Variants in RALYL observed in about 807,000 individuals in gnomAD.
The protein encoded by RALYL is RALY RNA binding protein like.
RALYL carries 29 observed loss-of-function variants against 35.1 expected under a neutral mutation model. The observed-to-expected ratio is 0.83, with a 90% confidence interval of 0.61 to 1.13. RALYL has a LOEUF of 1.13. RALYL is among the 50% of genes most tolerant of loss of function. The probability of loss-of-function intolerance (pLI) is 0.00; values close to 1 mark genes in which losing one functional copy is unlikely to be tolerated. For synonymous variants in RALYL, 120 were observed against 127.6 expected, an observed-to-expected ratio of 0.94 and a Z score of 0.40; for missense variants, 359 against 360.4, an observed-to-expected ratio of 1.00 and a Z score of 0.03.
In RALYL at chr8:84,873,276, C is replaced by T; in HGVS notation, c.572-8C>T. 1 of 1,493,892 alleles carries T rather than the reference C, an allele frequency of 6.7e-7. No individual in the cohort carries two copies. The highest frequency in any genetic ancestry group is 9.2e-7 in the Non-Finnish European group (1 of 1,086,658). The allele number at this position is 1,493,892 out of a possible 1,614,324, so 92.5% of individuals were successfully genotyped here. ...TCTGTTGTTTTCTTCCTTCTTTCTA[C>T]TTTCCAGTGAAATCAGATGAGTTAC... On this transcript the variant is annotated splice_polypyrimidine_tract_variant and splice_region_variant and intron_variant, in intron 6 of 8. Transcript: ENST00000521268.
rs148878088 is a variant in RALYL at position 84,753,522 on chromosome 8, C to T, written c.257-21057C>T. Among the ~76,000 whole-genome samples the T allele has an allele frequency of 2.3e-3, 343 of 152,202 alleles. 3 individuals carry two copies. Among genetic ancestry groups the T allele is most frequent in the African/African-American group, 7.5e-3 (311 of 41,530 alleles). On this transcript the variant is annotated intron_variant, in intron 2 of 8. Coordinates refer to ENST00000521268, the MANE Select transcript of RALYL (RefSeq NM_173848.7). ...TTGTGTCCCTGCCCAAATCTCATGT[C>T]GAAATGTAATTCCCAGTGTTAGAGA...
chr8:84,695,021 T>C (rs1210553773), intron 2 of RALYL, among the ~76,000 whole-genome samples: 1 of 151,794 alleles, frequency 6.6e-6, no homozygotes, highest in East Asian at 1.9e-4. Context: ...TATGAAAATA[T>C]GAAGTATAAT....
chr8:84,560,086 G>T (rs1455864687), intron 2 of RALYL, among the ~76,000 whole-genome samples: 1 of 151,554 alleles, frequency 6.6e-6, no homozygotes, highest in Non-Finnish European at 1.5e-5. Flanking sequence ...GAAGACTGGA[G>T]AATCAGACCT....
At chr8:84,615,570 CTTTTTTTTTTT>C (rs60428128) in intron 2 of RALYL, among the ~76,000 whole-genome samples, 21,364 of 67,702 alleles carry the variant, frequency 0.32, 1,886 homozygotes, top group Non-Finnish European at 0.34. Flanking sequence ...GAACTTTCGT[CTTTTTTTTTTT>C]TTTTTTTTTT....
intron 2 of RALYL, among the ~76,000 whole-genome samples, chr8:84,546,563 A>G (rs866895600): frequency 1.3e-5 from 2 of 152,362 alleles, no homozygotes; most frequent in Middle Eastern, 6.8e-3. Context: ...ATTTCTTAAT[A>G]ATAAATGCCA....
chr8:84,346,681 C>T (rs1417828384), intron 1 of RALYL, among the ~76,000 whole-genome samples: 1 of 152,034 alleles, frequency 6.6e-6, no homozygotes, highest in Non-Finnish European at 1.5e-5. Context: ...GTTGGCCAGG[C>T]TGGTCTCAAA....
At chr8:84,646,957 T>TA (rs1303131537) in intron 2 of RALYL, among the ~76,000 whole-genome samples, 1 of 152,108 alleles carries the variant, frequency 6.6e-6, no homozygotes, top group African/African-American at 2.4e-5. Flanking sequence ...TACTCTTTTT[T>TA]AGTTCTTAAG....
rs1424234063 is a variant in RALYL, at chr8:84,380,167, T to C, written c.-23-149132T>C. The stretch of plus-strand genomic sequence containing the variant: ...GGAATTCTGACTTTCCTTCATTTGA[T>C]GTGATGCAGATTATTTAATTCCTCC... On this transcript the variant is annotated intron_variant, in intron 1 of 8. Coordinates refer to ENST00000521268, the MANE Select transcript of RALYL (RefSeq NM_173848.7). Among the ~76,000 whole-genome samples the C allele has an allele frequency of 2.6e-5, 4 of 151,826 alleles. No individual in the cohort carries two copies. The East Asian group carries it at 7.8e-4, about 30-fold the overall frequency.
At chr8:84,768,454 C>G (rs1814635255) in intron 2 of RALYL, among the ~76,000 whole-genome samples, 1 of 152,278 alleles carries the variant, frequency 6.6e-6, no homozygotes, top group East Asian at 1.9e-4. Context: ...CTTTCTGCCC[C>G]TTTCACCCTT....
At chr8:84,266,281 G>A (rs1218891025) in intron 1 of RALYL, among the ~76,000 whole-genome samples, 3 of 151,570 alleles carry the variant, frequency 2.0e-5, no homozygotes, top group Admixed American at 6.6e-5. Flanking sequence ...CATACTTTGC[G>A]AATTCAAACC....
intron 7 of RALYL, among the ~76,000 whole-genome samples, chr8:84,880,546 G>A (rs1216988039): frequency 6.6e-6 from 1 of 151,620 alleles, no homozygotes; most frequent in African/African-American, 2.4e-5. Context: ...TCTTACCTTG[G>A]GTATATTTTT....
intron 2 of RALYL, among the ~76,000 whole-genome samples, chr8:84,553,689 T>C (rs2060904564): frequency 2.0e-5 from 3 of 152,008 alleles, no homozygotes; most frequent in Non-Finnish European, 4.4e-5. Flanking sequence ...ACCTCTAAAG[T>C]AACATTTTCT....
intron 2 of RALYL, among the ~76,000 whole-genome samples, chr8:84,595,870 G>A (rs865848601): frequency 2.2e-4 from 32 of 148,658 alleles, no homozygotes; most frequent in African/African-American, 6.2e-4. Flanking sequence ...AAAACCACAC[G>A]CTCATGGGAA....
At chr8:84,784,988 C>T (rs1032731994) in intron 3 of RALYL, among the ~76,000 whole-genome samples, 2 of 152,064 alleles carry the variant, frequency 1.3e-5, no homozygotes, top group Non-Finnish European at 2.9e-5. Context: ...TCTTCCAACT[C>T]TGAGAGTTGA....
chr8:84,555,244 A>C (rs28578082), intron 2 of RALYL, among the ~76,000 whole-genome samples: 1 of 152,064 alleles, frequency 6.6e-6, no homozygotes, highest in Non-Finnish European at 1.5e-5. Context: ...ATGCCACTGC[A>C]CTCCAACGTG....
chr8:84,380,038 G>A (rs1857655064), intron 1 of RALYL, among the ~76,000 whole-genome samples: 1 of 150,542 alleles, frequency 6.6e-6, no homozygotes, highest in Non-Finnish European at 1.5e-5. Flanking sequence ...AATGGTGGTA[G>A]ACTATATGCT....
chr8:84,873,199 A>C (rs113702255), intron 6 of RALYL, 85 bp from the exon 7 acceptor site: 59 of 632,502 alleles, frequency 9.3e-5, no homozygotes, highest in African/African-American at 9.3e-4. Context: ...ACTTGAGAAA[A>C]TACGGGGTCC....
At chr8:84,263,297 G>A (rs1017607246) in intron 1 of RALYL, among the ~76,000 whole-genome samples, 1 of 152,052 alleles carries the variant, frequency 6.6e-6, no homozygotes, top group African/African-American at 2.4e-5. Flanking sequence ...TAGAACAGTT[G>A]TCTGTCATAC....
At chr8:84,538,609 A>T (rs1488721081) in intron 2 of RALYL, among the ~76,000 whole-genome samples, 1 of 152,170 alleles carries the variant, frequency 6.6e-6, no homozygotes, top group Non-Finnish European at 1.5e-5. Context: ...AAAATAATAA[A>T]ACAAAATAGA....
Sources: allele counts gnomAD v4.1 joint callset (sites outside exome capture counted in the v4.1 genomes callset), GRCh38; gene constraint gnomAD v4.1.1; transcripts MANE v1.5; gene names NCBI Gene and HGNC (gene_info 2026-07-23, HGNC 2026-07-21).